The following HELZ variants were observed in gnomAD, a reference collection of about 807,000 sequenced individuals.
HELZ encodes the protein ATP-dependent RNA helicase with zinc finger domain.
In HELZ, 23 loss-of-function variants were observed where a neutral mutation model predicts 218.2. That is an observed-to-expected ratio of 0.11 (90% confidence interval 0.08 to 0.15). The LOEUF is 0.15. HELZ is among the 10% of genes least tolerant of loss of function. HELZ has a pLI of 1.00. For missense variants in HELZ, 1,813 were observed against 2,353.7 expected (o/e 0.77, Z 4.75); for synonymous variants, 814 against 829.4 (o/e 0.98, Z 0.32).
chr17:67,225,745 C>T (rs147813411), intron 3 of HELZ, among the ~76,000 whole-genome samples: 53 of 152,240 alleles, frequency 3.5e-4, no homozygotes, highest in African/African-American at 1.3e-3. Context: ...AGACAGTATC[C>T]CATCCCTAAC....
At chr17:67,192,737 T>C (rs541608180) in intron 9 of HELZ, among the ~76,000 whole-genome samples, 2 of 152,278 alleles carry the variant, frequency 1.3e-5, no homozygotes, top group African/African-American at 4.8e-5. Flanking sequence ...CTATCAAAAG[T>C]AATCTAAAGA....
rs776923601 is a variant in HELZ at position 67,109,478 on chromosome 17, T to C, written c.4127A>G (p.Gln1376Arg). Residue 1376 changes from glutamine to arginine, a missense_variant, in exon 29 of 33, where the codon CAG becomes CGG. Around this residue, in one of 4 missense-constraint regions of HELZ, gnomAD observed 938 missense variants for 1,027.5 expected, o/e 0.91. Transcript: ENST00000358691. The stretch of plus-strand genomic sequence containing the variant: ...CTGCTGCTGATTTAACAAGGTGTGC[T>C]GCTGTGGAATTGGAAAGGGTGGTCT... Reference protein sequence around the residue: ...LPRPPFPIPQQHTLLNQQQNN... With the variant: ...LPRPPFPIPQRHTLLNQQQNN... The C allele has an allele frequency of 2.2e-5, 36 of 1,614,024 alleles. 1 individual carries two copies. The highest frequency in any genetic ancestry group is 1.5e-4 in the South Asian group (14 of 91,088).
chr17:67,092,824 G>C (rs1425836558), intron 31 of HELZ, among the ~76,000 whole-genome samples: 2 of 151,990 alleles, frequency 1.3e-5, no homozygotes, highest in African/African-American at 4.8e-5. Flanking sequence ...AATTAGCCGG[G>C]AGTGGTGGCG....
intron 13 of HELZ, among the ~76,000 whole-genome samples, chr17:67,169,470 A>G (rs891977365): frequency 6.6e-6 from 1 of 152,052 alleles, no homozygotes; most frequent in Non-Finnish European, 1.5e-5. Context: ...CTAACAGCCC[A>G]CTCTCATGAT....
intron 21 of HELZ, among the ~76,000 whole-genome samples, chr17:67,142,228 A>T (rs1249201128): frequency 4.6e-5 from 7 of 151,998 alleles, no homozygotes; most frequent in African/African-American, 1.7e-4. Flanking sequence ...TAAAAACCCC[A>T]ATCAAAAGGC....
At chr17:67,118,012 G>A (rs1243451183) in intron 27 of HELZ, among the ~76,000 whole-genome samples, 1 of 152,192 alleles carries the variant, frequency 6.6e-6, no homozygotes, top group African/African-American at 2.4e-5. Context: ...AATCCCGGAA[G>A]GCTTTTTAGT....
intron 7 of HELZ, among the ~76,000 whole-genome samples, chr17:67,199,135 G>A (rs911103589): frequency 6.6e-6 from 1 of 150,722 alleles, no homozygotes; most frequent in South Asian, 2.1e-4. Flanking sequence ...ACTGCCTTCT[G>A]TTACTTCTTA....
chr17:67,202,793 T>C (rs1293057889), intron 6 of HELZ, among the ~76,000 whole-genome samples: 2 of 152,212 alleles, frequency 1.3e-5, no homozygotes, highest in Non-Finnish European at 2.9e-5. Context: ...AATTCTTATA[T>C]ATAATCACAA....
intron 7 of HELZ, among the ~76,000 whole-genome samples, chr17:67,198,879 T>C (rs1342046129): frequency 1.3e-5 from 2 of 152,160 alleles, no homozygotes; most frequent in African/African-American, 2.4e-5. Context: ...TCTAGTTAGA[T>C]AGAAAAAAAT....
intron 14 of HELZ, among the ~76,000 whole-genome samples, chr17:67,167,202 C>G (rs1161781306): frequency 6.6e-6 from 1 of 152,208 alleles, no homozygotes; most frequent in African/African-American, 2.4e-5. Context: ...TTCTTTTCAT[C>G]TTTTCTTCCA....
intron 24 of HELZ, among the ~76,000 whole-genome samples, chr17:67,125,580 A>C (rs1295900704): frequency 6.6e-6 from 1 of 151,706 alleles, no homozygotes; most frequent in African/African-American, 2.4e-5. Flanking sequence ...CCTATCACTA[A>C]TTTGCTAATG....
intron 5 of HELZ, among the ~76,000 whole-genome samples, chr17:67,204,843 T>C (rs1026095050): frequency 6.6e-5 from 10 of 152,226 alleles, no homozygotes; most frequent in Non-Finnish European, 8.8e-5. Flanking sequence ...CAATAAGGTA[T>C]CATTAAGAAT....
At chr17:67,201,272 G>T in intron 6 of HELZ, 87 bp from the exon 7 acceptor site, 2 of 819,874 alleles carry the variant, frequency 2.4e-6, no homozygotes, top group South Asian at 1.7e-5. Flanking sequence ...TGTTGTTTCT[G>T]AGTTTATTTG....
intron 15 of HELZ, among the ~76,000 whole-genome samples, chr17:67,162,657 T>C (rs1031915830): frequency 6.6e-6 from 1 of 152,026 alleles, no homozygotes; most frequent in Non-Finnish European, 1.5e-5. Context: ...CCAATTCTGA[T>C]CAATTAGATG....
chr17:67,179,028 G>T, intron 12 of HELZ, 102 bp from the exon 13 acceptor site: 1 of 720,964 alleles, frequency 1.4e-6, no homozygotes, highest in Non-Finnish European at 2.2e-6. Flanking sequence ...TATGAGAATT[G>T]TATATGCTAG....
intron 21 of HELZ, 150 bp from the exon 22 acceptor site, chr17:67,138,264 T>C: frequency 1.9e-6 from 1 of 524,582 alleles, no homozygotes. Flanking sequence ...GGAGTAATGC[T>C]TTGCTGATGT....
rs767820304 is a variant in HELZ at position 67,103,677 on chromosome 17, C to A, written c.5241+3492G>T. On this transcript the variant is annotated intron_variant, in intron 31 of 32. Transcript: ENST00000358691. The stretch of plus-strand genomic sequence containing the variant: ...AGGTTGCAATACTCCCCAAATTAAT[C>A]TAGAGATTTAAAGCAATTCTTTTTT... Among the ~76,000 whole-genome samples, 11 of 152,306 alleles carry A rather than the reference C, an allele frequency of 7.2e-5. No homozygotes were observed. In the East Asian group the frequency reaches 9.6e-4, roughly 13 times the overall value.
chr17:67,200,934 T>C (rs1796737498), intron 7 of HELZ, 195 bp downstream of exon 7: 2 of 572,818 alleles, frequency 3.5e-6, no homozygotes, highest in Non-Finnish European at 6.3e-6. Flanking sequence ...AGAGGAGACA[T>C]GTGGAGAAGC....
intron 5 of HELZ, among the ~76,000 whole-genome samples, chr17:67,212,484 C>T (rs534568665): frequency 6.6e-6 from 1 of 151,996 alleles, no homozygotes; most frequent in East Asian, 1.9e-4. Flanking sequence ...TTATTACTGT[C>T]TAACCATAGT....
Sources: gnomAD v4.1 joint callset for allele counts (sites outside exome capture counted in the v4.1 genomes callset) on GRCh38, gnomAD v4.1.1 for gene constraint, gnomAD v4.1.1 regional missense constraint, MANE v1.5 for transcripts, NCBI Gene and HGNC (gene_info 2026-07-23, HGNC 2026-07-21) for gene names.